GULP1: variants seen among roughly 807,000 people sequenced by gnomAD.
The protein encoded by GULP1 is GULP PTB domain containing engulfment adaptor 1, also known as PTB domain-containing engulfment adapter protein 1.
A neutral mutation model predicts 40.9 loss-of-function variants in GULP1; 19 were observed. The ratio of observed to expected loss-of-function variants is 0.46; its 90% confidence interval spans 0.32 to 0.68. The LOEUF (loss-of-function observed/expected upper bound fraction) is 0.68, where lower values mean the gene tolerates loss of function less well. GULP1 is among the 30% of genes least tolerant of loss of function. GULP1 has a pLI of 0.03. For missense variants in GULP1, 312 were observed against 362.2 expected, an observed-to-expected ratio of 0.86 and a Z score of 1.12; for synonymous variants, 119 against 117.6, an observed-to-expected ratio of 1.01 and a Z score of -0.08.
At chr2:188,378,077 T>G (rs1559169391) in intron 1 of GULP1, among the ~76,000 whole-genome samples, 2 of 152,132 alleles carry the variant, frequency 1.3e-5, no homozygotes, top group Non-Finnish European at 2.9e-5. Flanking sequence ...ATTCAATACT[T>G]TAAGTGTTTC....
intron 4 of GULP1, among the ~76,000 whole-genome samples, chr2:188,505,121 TCA>T (rs1392692452): frequency 1.3e-5 from 2 of 151,832 alleles, no homozygotes; most frequent in Admixed American, 1.3e-4. Flanking sequence ...TCAAGATCAA[TCA>T]TCAGCAAAAT....
At chr2:188,426,908 T>C (rs990459832) in intron 2 of GULP1, among the ~76,000 whole-genome samples, 4 of 152,160 alleles carry the variant, frequency 2.6e-5, no homozygotes, top group African/African-American at 9.7e-5. Flanking sequence ...CTTATTAAAT[T>C]GTTGTGACCA....
At chr2:188,477,353 A>C (rs570025729) in intron 2 of GULP1, among the ~76,000 whole-genome samples, 2 of 152,272 alleles carry the variant, frequency 1.3e-5, no homozygotes, top group East Asian at 3.9e-4. Context: ...AGCTGAGGAA[A>C]AAGTATTGAT....
chr2:188,557,036 A>AAG (rs1226955092), intron 7 of GULP1, among the ~76,000 whole-genome samples: 3 of 151,774 alleles, frequency 2.0e-5, no homozygotes, highest in Non-Finnish European at 4.4e-5. Flanking sequence ...AAAAAAAAAA[A>AAG]GAAAAGAAAT....
chr2:188,516,790 T>C (rs2065219870), intron 4 of GULP1, among the ~76,000 whole-genome samples: 1 of 152,220 alleles, frequency 6.6e-6, no homozygotes, highest in Admixed American at 6.5e-5. Context: ...AACACTATTC[T>C]AGACCAATTC....
chr2:188,332,581 C>T (rs1486026088), intron 1 of GULP1, among the ~76,000 whole-genome samples: 1 of 152,196 alleles, frequency 6.6e-6, no homozygotes, highest in East Asian at 1.9e-4. Context: ...CCTACTATAG[C>T]AGGGGAAGAA....
rs1255423448 is a variant in GULP1 at position 188,423,168 on chromosome 2, AATC to A, written c.-45+39281_-45+39283del. ...TGGAGAAACTCTATGTTAGCTAAATAATCACATCTTTCTTTTCTGTTGCACCAC... is the reference window on the plus strand; with the variant it reads ...TGGAGAAACTCTATGTTAGCTAAATAACATCTTTCTTTTCTGTTGCACCAC... On this transcript the variant is annotated intron_variant, in intron 2 of 11. Coordinates refer to ENST00000409830, the MANE Select transcript of GULP1 (RefSeq NM_016315.4). 6.6e-5 allele frequency among the ~76,000 whole-genome samples: 10 copies of A among 152,218 alleles called. No homozygotes were observed. The East Asian group carries it at 1.3e-3, about 21-fold the overall frequency.
In GULP1 at chr2:188,548,863, A is replaced by G. The variant is rs75264183; in HGVS notation, c.399+7545A>G. On this transcript the variant is annotated intron_variant, in intron 7 of 11. Transcript: ENST00000409830. Reference sequence around the variant, plus strand: ...GTTTTGTTTTGTTTTGTTTTGTTTTATTTTGTTTTCAGACAGTGCTGGTGC... The same window carrying G: ...GTTTTGTTTTGTTTTGTTTTGTTTTGTTTTGTTTTCAGACAGTGCTGGTGC... Among the ~76,000 whole-genome samples the G allele has an allele frequency of 4.6e-3, 325 of 70,810 alleles. 1 individual carries two copies. The highest frequency in any genetic ancestry group is 0.045 in the Middle Eastern group (6 of 132). The allele number at this position is 70,810 out of a possible 152,430, so 46.5% of individuals were successfully genotyped here.
chr2:188,545,574 C>T lies in GULP1; in HGVS notation c.399+4256C>T, dbSNP rs141077513. On this transcript the variant is annotated intron_variant, in intron 7 of 11. Coordinates refer to ENST00000409830, the MANE Select transcript of GULP1 (RefSeq NM_016315.4). The stretch of plus-strand genomic sequence containing the variant: ...GTGAATCCAATAACAACCATTAACA[C>T]GTTGTATAATGAGATACACTTAAAA... Among the ~76,000 whole-genome samples the T allele has an allele frequency of 2.3e-3, 350 of 151,476 alleles. 1 individual carries two copies. The highest frequency in any genetic ancestry group is 8.0e-3 in the African/African-American group (330 of 41,308).
intron 2 of GULP1, among the ~76,000 whole-genome samples, chr2:188,438,680 T>C (rs946959764): frequency 6.6e-6 from 1 of 150,942 alleles, no homozygotes; most frequent in Non-Finnish European, 1.5e-5. Context: ...ACAAAAAAAA[T>C]GTAAAGAAGG....
chr2:188,556,657 C>G (rs749340690), intron 7 of GULP1, among the ~76,000 whole-genome samples: 5 of 152,026 alleles, frequency 3.3e-5, no homozygotes, highest in African/African-American at 4.8e-5. Flanking sequence ...ATGTTGATAT[C>G]TGCACATTTG....
intron 1 of GULP1, among the ~76,000 whole-genome samples, chr2:188,357,279 A>G (rs932238925): frequency 2.0e-5 from 3 of 152,212 alleles, no homozygotes; most frequent in African/African-American, 7.2e-5. Context: ...CAACTTACAG[A>G]ATGGAGAAAA....
At chr2:188,344,248 A>G (rs1166186269) in intron 1 of GULP1, among the ~76,000 whole-genome samples, 1 of 152,236 alleles carries the variant, frequency 6.6e-6, no homozygotes, top group Non-Finnish European at 1.5e-5. Context: ...TACAGTAAGC[A>G]TATGAAAGAA....
intron 5 of GULP1, among the ~76,000 whole-genome samples, chr2:188,527,959 G>A (rs1686603864): frequency 6.6e-6 from 1 of 152,126 alleles, no homozygotes; most frequent in African/African-American, 2.4e-5. Flanking sequence ...CATCAATTTT[G>A]AGTCAGGTTG....
At chr2:188,469,549 A>G (rs1317897526) in intron 2 of GULP1, among the ~76,000 whole-genome samples, 2 of 152,086 alleles carry the variant, frequency 1.3e-5, no homozygotes, top group African/African-American at 4.8e-5. Flanking sequence ...CAGTAGGCAA[A>G]GGGGGAGTGA....
At chr2:188,442,343 G>A (rs1473893984) in intron 2 of GULP1, among the ~76,000 whole-genome samples, 3 of 152,064 alleles carry the variant, frequency 2.0e-5, no homozygotes, top group African/African-American at 7.2e-5. Flanking sequence ...TCTTCAGGTC[G>A]TATACAAAGT....
chr2:188,541,724 A>G (rs1398760086), intron 7 of GULP1: 1 of 272,752 alleles, frequency 3.7e-6, no homozygotes, highest in Non-Finnish European at 6.7e-6. Context: ...ATTTTATGAA[A>G]ATAAATATTC....
At chr2:188,476,353 C>A (rs2061007327) in intron 2 of GULP1, among the ~76,000 whole-genome samples, 1 of 152,066 alleles carries the variant, frequency 6.6e-6, no homozygotes, top group African/African-American at 2.4e-5. Flanking sequence ...GTGAATTTAT[C>A]TCTAACAGCT....
intron 1 of GULP1, among the ~76,000 whole-genome samples, chr2:188,344,503 C>A (rs2152216012): frequency 6.6e-6 from 1 of 152,316 alleles, no homozygotes; most frequent in Admixed American, 6.5e-5. Flanking sequence ...TAGATTTCAG[C>A]AAACTTTTAA....
Sources: gnomAD v4.1 joint callset for allele counts (sites outside exome capture counted in the v4.1 genomes callset) on GRCh38, gnomAD v4.1.1 for gene constraint, MANE v1.5 for transcripts, NCBI Gene and HGNC (gene_info 2026-07-23, HGNC 2026-07-21) for gene names.